Variants in VAV2 observed in about 807,000 individuals in gnomAD.
The protein encoded by VAV2 is guanine nucleotide exchange factor VAV2.
VAV2 carries 67 observed loss-of-function variants against 132.5 expected under a neutral mutation model. The ratio of observed to expected loss-of-function variants is 0.51; its 90% CI spans 0.42 to 0.62. The LOEUF is 0.62. VAV2 is among the 20% of genes least tolerant of loss of function. The pLI, the probability that VAV2 is intolerant of heterozygous loss-of-function variation, is 0.00. For synonymous variants in VAV2, 492 were observed against 443.5 expected (o/e 1.11, Z -1.37); for missense variants, 938 against 1,153.6 (o/e 0.81, Z 2.71).
chr9:133,921,271 T>C (rs1175090638), intron 2 of VAV2, among the ~76,000 whole-genome samples: 3 of 152,120 alleles, frequency 2.0e-5, no homozygotes, highest in Non-Finnish European at 4.4e-5. Context: ...CACCTGGCCA[T>C]GGCAGGAGCG....
At chr9:133,820,979 A>G (rs571902051) in intron 4 of VAV2, among the ~76,000 whole-genome samples, 38 of 152,262 alleles carry the variant, frequency 2.5e-4, no homozygotes, top group South Asian at 4.1e-4. Context: ...GCAATCCCAC[A>G]GGGGAGGGGC....
chr9:133,785,998 G>T, intron 16 of VAV2, 113 bp from the exon 17 acceptor site: 1 of 875,228 alleles, frequency 1.1e-6, no homozygotes, highest in Non-Finnish European at 1.8e-6. Flanking sequence ...ATGCATATGT[G>T]CACAGGTGCC....
rs375495204 is a variant in VAV2, at chr9:133,768,500, C to T, written c.2531G>A (p.Arg844Lys). ...GTCTCCGCCGATGCGGCTGTAGATCCTCACCACGTCACCCTCCCGCAGCGA... is the reference window on the plus strand; with the variant it reads ...GTCTCCGCCGATGCGGCTGTAGATCTTCACCACGTCACCCTCCCGCAGCGA... ...ELSLREGDVV[R>K]IYSRIGGDQG... The change falls in exon 29 of 30, where the codon AGG becomes AAG. Residue 844 changes from arginine to lysine, a missense_variant. Coordinates refer to ENST00000371850, the MANE Select transcript of VAV2 (RefSeq NM_001134398.2). The surrounding 1 kb of genome is among the most constrained non-coding windows in gnomAD (Gnocchi z 5.3). 4.0e-5 allele frequency: 64 copies of T among 1,613,882 alleles called. No homozygotes were observed. The South Asian group carries it at 6.8e-4, about 17-fold the overall frequency.
At chr9:133,911,848 C>T (rs1292081448) in intron 2 of VAV2, among the ~76,000 whole-genome samples, 1 of 152,256 alleles carries the variant, frequency 6.6e-6, no homozygotes, top group Non-Finnish European at 1.5e-5. Flanking sequence ...CACCGAATGT[C>T]CTCCAAACCC....
chr9:133,897,881 G>C (rs957560670), intron 2 of VAV2, among the ~76,000 whole-genome samples: 2 of 152,188 alleles, frequency 1.3e-5, no homozygotes, highest in African/African-American at 4.8e-5. Flanking sequence ...TCCCTGCCAG[G>C]GAGACAGCAG....
chr9:133,906,500 C>A (rs1260863683), intron 2 of VAV2, among the ~76,000 whole-genome samples: 1 of 152,210 alleles, frequency 6.6e-6, no homozygotes, highest in Non-Finnish European at 1.5e-5. Flanking sequence ...CCAGCCAGGA[C>A]CCCCAGCTTC....
chr9:133,942,695 GCA>G (rs1443742848), intron 1 of VAV2, among the ~76,000 whole-genome samples: 1 of 152,216 alleles, frequency 6.6e-6, no homozygotes, highest in Non-Finnish European at 1.5e-5. Flanking sequence ...TTCCTTTCGG[GCA>G]CAGGATGGGC....
chr9:133,806,935 G>A lies in VAV2; in HGVS notation c.735+323C>T, dbSNP rs962947046. Among the ~76,000 whole-genome samples the A allele has an allele frequency of 5.3e-5, 8 of 152,372 alleles. No individual in the cohort carries two copies. The East Asian group carries it at 7.7e-4, about 15-fold the overall frequency. On this transcript the variant is annotated intron_variant, in intron 8 of 29. Transcript: ENST00000371850. Reference sequence around the variant, plus strand: ...ACCCGCAGGGCAGGCGAGGGGGTCCGCTCAAAGGGGTGGAGGGACACGTTT... The same window carrying A: ...ACCCGCAGGGCAGGCGAGGGGGTCCACTCAAAGGGGTGGAGGGACACGTTT...
Position 133,863,021 on chromosome 9 carries a change from A to G in VAV2, c.322-1589T>C, listed in dbSNP as rs1403830052. 1.3e-5 allele frequency among the ~76,000 whole-genome samples: 2 copies of G among 151,632 alleles called. No homozygotes were observed. Among genetic ancestry groups the G allele is most frequent in the African/African-American group, 4.9e-5 (2 of 41,212 alleles). On this transcript the variant is annotated intron_variant, in intron 2 of 29. Transcript: ENST00000371850. The surrounding 1 kb of genome is among the most constrained non-coding windows in gnomAD (Gnocchi z 5.0). ...GTCCTTCTGTGCTTCCTCACACAAG[A>G]CTCGATGGGCCCATTATGCGGCCAG...
chr9:133,944,849 C>T (rs1841303271), intron 1 of VAV2, among the ~76,000 whole-genome samples: 1 of 152,218 alleles, frequency 6.6e-6, no homozygotes, highest in Admixed American at 6.5e-5. Context: ...TGGGAGGTGA[C>T]CCTCGCTGCT....
chr9:133,808,563 G>T (rs2428091), intron 7 of VAV2, among the ~76,000 whole-genome samples: 67,218 of 152,104 alleles, frequency 0.44, 16,796 homozygotes, highest in African/African-American at 0.69. Context: ...AAGAGTGGAA[G>T]AGCTGGGCAA....
In VAV2 at chr9:133,879,655, C is replaced by T. The variant is rs115869906; in HGVS notation, c.322-18223G>A. ...AAGCAACAAGCCGCACACACCAGGA[C>T]GAACAGCACTGCTGGCTCAGATGAA... is the stretch of plus-strand genomic sequence containing the variant. On this transcript the variant is annotated intron_variant, in intron 2 of 29. Transcript: ENST00000371850. The surrounding 1 kb of genome is among the most constrained non-coding windows in gnomAD (Gnocchi z 4.4). 0.023 allele frequency among the ~76,000 whole-genome samples: 3,574 copies of T among 152,304 alleles called. 123 individuals are homozygous for T. Among genetic ancestry groups the T allele is most frequent in the African/African-American group, 0.079 (3,294 of 41,548 alleles).
chr9:133,912,606 G>A lies in VAV2; in HGVS notation c.321+26497C>T, dbSNP rs1024362426. ...TGTTGCTTCTCTGCCCATTTCAATC[G>A]CGGAACACAAATTACACGTGTGATG... On this transcript the variant is annotated intron_variant, in intron 2 of 29. Coordinates refer to ENST00000371850, the MANE Select transcript of VAV2 (RefSeq NM_001134398.2). The surrounding 1 kb of genome is among the most constrained non-coding windows in gnomAD (Gnocchi z 4.3). Among the ~76,000 whole-genome samples the A allele has an allele frequency of 5.3e-5, 8 of 152,104 alleles. No homozygotes were observed. Among genetic ancestry groups the A allele is most frequent in the Non-Finnish European group, 8.8e-5 (6 of 68,032 alleles).
intron 4 of VAV2, among the ~76,000 whole-genome samples, chr9:133,819,439 G>A (rs1325865540): frequency 6.2e-5 from 9 of 145,494 alleles, no homozygotes; most frequent in East Asian, 3.9e-4. Context: ...ACAGAGCGAG[G>A]CTCCGTCTCA....
intron 3 of VAV2, among the ~76,000 whole-genome samples, chr9:133,837,742 C>T (rs889942935): frequency 6.6e-6 from 1 of 151,716 alleles, no homozygotes; most frequent in Non-Finnish European, 1.5e-5. Context: ...TTTTAAAAAC[C>T]TGACCTTGAG....
At chr9:133,901,514 C>A (rs1839441526) in intron 2 of VAV2, among the ~76,000 whole-genome samples, 1 of 152,232 alleles carries the variant, frequency 6.6e-6, no homozygotes, top group African/African-American at 2.4e-5. Flanking sequence ...AGCCTGGTCT[C>A]ATGAGGCCTA....
intron 7 of VAV2, among the ~76,000 whole-genome samples, 161 bp from the exon 8 acceptor site, chr9:133,807,487 T>C (rs1018172932): frequency 6.6e-6 from 1 of 152,042 alleles, no homozygotes; most frequent in Non-Finnish European, 1.5e-5. Context: ...GCTCCATTCT[T>C]TGGAGGTGAG....
chr9:133,866,854 C>T (rs2131885677), intron 2 of VAV2, among the ~76,000 whole-genome samples: 1 of 150,750 alleles, frequency 6.6e-6, no homozygotes. Flanking sequence ...ATTATGATGA[C>T]AGATGATGGG....
At position 133,769,469 on chromosome 9, in the gene VAV2, A is replaced by G. The variant is rs747542475; in HGVS notation, c.2382T>C (p.Ser794=). ...GAGAAGCAAAGCTGAGGCCCTGAGG[A>G]CTGAGAAAAGAAAAGTTGTAGGAAG... The part of the protein sequence containing the change: ...SCASYNFSFL[S]PQGLSFASQG... The change falls in exon 28 of 30, where the codon AGT becomes AGC. Residue 794 remains serine (S), a synonymous_variant. Coordinates refer to ENST00000371850, the MANE Select transcript of VAV2 (RefSeq NM_001134398.2). The surrounding 1 kb of genome is among the most constrained non-coding windows in gnomAD (Gnocchi z 8.1). 1 of 1,613,118 alleles carries G rather than the reference A, an allele frequency of 6.2e-7. No individual in the cohort carries two copies. The highest frequency in any genetic ancestry group is 8.5e-7 in the Non-Finnish European group (1 of 1,179,580).
Sources: allele counts gnomAD v4.1 joint callset (sites outside exome capture counted in the v4.1 genomes callset), GRCh38; gene constraint gnomAD v4.1.1; non-coding constraint Gnocchi (gnomAD v3.1); transcripts MANE v1.5; gene names NCBI Gene and HGNC (gene_info 2026-07-23, HGNC 2026-07-21).